CCZ1: variants seen among roughly 807,000 people sequenced by gnomAD.
CCZ1 encodes vacuolar fusion protein CCZ1 homolog.
CCZ1 carries 19 observed loss-of-function variants against 57.8 expected under a neutral mutation model. The observed-to-expected ratio is 0.33, with a 90% CI of 0.23 to 0.48. The LOEUF (loss-of-function observed/expected upper bound fraction) is 0.48. Among genes scored for constraint, CCZ1 ranks in the 20% least tolerant of loss-of-function variants. The pLI, the probability that CCZ1 is intolerant of heterozygous loss-of-function variation, is 0.99. For missense variants in CCZ1, 200 were observed against 492.0 expected (o/e 0.41, Z 5.61); for synonymous variants, 81 against 167.0 (o/e 0.49, Z 3.97).
At chr7:5,908,100 C>A (rs1402321401) in intron 7 of CCZ1, among the ~76,000 whole-genome samples, 3 of 141,082 alleles carry the variant, frequency 2.1e-5, no homozygotes, top group African/African-American at 8.1e-5. Context: ...AGAGCAAGAC[C>A]CTGTCTAAGA....
chr7:5,907,405 T>C (rs1781857042), intron 7 of CCZ1, among the ~76,000 whole-genome samples: 1 of 149,176 alleles, frequency 6.7e-6, no homozygotes, highest in Non-Finnish European at 1.5e-5. Context: ...GGAGATGTCA[T>C]GTGACAAGCC....
At chr7:5,910,213 T>C in intron 8 of CCZ1, 97 bp downstream of exon 8, 2 of 1,043,912 alleles carry the variant, frequency 1.9e-6, no homozygotes, top group Non-Finnish European at 2.9e-6. Flanking sequence ...TCTGATCGTT[T>C]CTGATGTATG....
intron 1 of CCZ1, among the ~76,000 whole-genome samples, chr7:5,899,376 TGTGTGTGG>T (rs1208400673): frequency 0.022 from 2,233 of 102,302 alleles, 36 homozygotes; most frequent in Admixed American, 0.037. Context: ...TGTGTGTGTG[TGTGTGTGG>T]TTTTTCTGAG....
At chr7:5,920,433 C>T (rs1343276374) in intron 12 of CCZ1, among the ~76,000 whole-genome samples, 1 of 112,490 alleles carries the variant, frequency 8.9e-6, no homozygotes, top group Non-Finnish European at 1.9e-5. Flanking sequence ...CTCCGGCTCT[C>T]TAGACACTGA....
At position 5,901,673 on chromosome 7, in the gene CCZ1, C is replaced by T. The variant is rs544027630; in HGVS notation, c.407C>T (p.Ser136Leu). The change falls in exon 5 of 15, where the codon TCG (serine) becomes TTG (leucine). Residue 136 changes from serine to leucine, a missense_variant. Around this residue, in one of 5 missense-constraint regions of CCZ1, gnomAD observed 128 missense variants for 178.4 expected, o/e 0.72. Transcript: ENST00000325974. ...CGTCTGCAGGACAAGGTTTATAGCT[C>T]GGTGCTGCGGCAGTGCTACAGCATG... ...EEELLDKVYS[S>L]VLRQCYSMYK... 13 of 1,598,220 alleles carry T rather than the reference C, an allele frequency of 8.1e-6. No individual in the cohort carries two copies. In the East Asian group the frequency reaches 2.0e-4, roughly 24 times the overall value.
chr7:5,915,528 T>A (rs1779131382), intron 10 of CCZ1, among the ~76,000 whole-genome samples: 1 of 148,386 alleles, frequency 6.7e-6, no homozygotes, highest in African/African-American at 2.4e-5. Flanking sequence ...GGTCCTTACC[T>A]TTTTCTTAAT....
intron 10 of CCZ1, among the ~76,000 whole-genome samples, chr7:5,914,680 G>T (rs1321098212): frequency 6.7e-5 from 10 of 148,892 alleles, no homozygotes; most frequent in Non-Finnish European, 1.2e-4. Flanking sequence ...TTCGAGACCA[G>T]CCTGGCCAAC....
In CCZ1 at chr7:5,905,156, C is replaced by T. The variant is rs1309768573; in HGVS notation, c.585C>T (p.Phe195=). 6.3e-7 allele frequency: 1 copy of T among 1,583,496 alleles called. No individual in the cohort carries two copies. The highest frequency in any genetic ancestry group is 8.6e-7 in the Non-Finnish European group (1 of 1,167,870). The change falls in exon 7 of 15, where the codon TTC becomes TTT. Residue 195 remains phenylalanine, a synonymous_variant. Coordinates refer to ENST00000325974, the MANE Select transcript of CCZ1 (RefSeq NM_015622.6). ...DLLDIFGGIS[F]FPLDKMTYLK... is the part of the protein sequence containing the mutation. Reference sequence around the variant, plus strand: ...TTGACATTTTTGGTGGAATCAGCTTCTTCCCGTTGGATAAAATGACTTATT... The same window carrying T: ...TTGACATTTTTGGTGGAATCAGCTTTTTCCCGTTGGATAAAATGACTTATT...
intron 6 of CCZ1, among the ~76,000 whole-genome samples, chr7:5,903,691 T>TTAG (rs1781735987): frequency 6.8e-6 from 1 of 146,590 alleles, no homozygotes; most frequent in Non-Finnish European, 1.5e-5. Flanking sequence ...AGACATGATT[T>TTAG]TAGTATAAGA....
At chr7:5,899,334 G>GGGTGTGTGGGTGTGTGTGTGT (rs1781626415) in intron 1 of CCZ1, among the ~76,000 whole-genome samples, 1 of 12,556 alleles carries the variant, frequency 8.0e-5, no homozygotes, top group African/African-American at 2.8e-4. Flanking sequence ...TCGGGAGGGG[G>GGGTGTGTGGGTGTGTGTGTGT]GTGTGTGTGT....
rs111250397 is a variant in CCZ1, at chr7:5,910,710, A to ATTTTT, written c.780+597_780+598insTTTTT. On this transcript the variant is annotated intron_variant, in intron 8 of 14. Transcript: ENST00000325974. ...ACTTTTAATTTATGTATTTTATTTT[A>ATTTTT]TTTATTTATTTATTTATTTATTTAT... Among the ~76,000 whole-genome samples, 12 of 102,588 alleles carry ATTTTT rather than the reference A, an allele frequency of 1.2e-4. 1 individual carries two copies. The highest frequency in any genetic ancestry group is 1.9e-4 in the African/African-American group (5 of 26,086). The allele number at this position is 102,588 out of a possible 152,430, so 67.3% of individuals were successfully genotyped here. A position where few individuals can be genotyped will look rare whatever the true frequency, so the allele number is the denominator to read the frequency against.
Position 5,901,647 on chromosome 7 carries a change from G to A in CCZ1, c.391-10G>A, listed in dbSNP as rs376400272. On this transcript the variant is annotated splice_polypyrimidine_tract_variant and intron_variant, in intron 4 of 14. Transcript: ENST00000325974. ...GAACTGAGCTGTGTGCTGTGTTTTCGCGTCTGCAGGACAAGGTTTATAGCT... is the reference window on the plus strand; with the variant it reads ...GAACTGAGCTGTGTGCTGTGTTTTCACGTCTGCAGGACAAGGTTTATAGCT... 81 of 1,594,400 alleles carry A rather than the reference G, an allele frequency of 5.1e-5. 4 individuals carry two copies. The highest frequency in any genetic ancestry group is 3.4e-4 in the African/African-American group (25 of 72,578).
chr7:5,907,450 CA>C (rs1225976302), intron 7 of CCZ1, among the ~76,000 whole-genome samples: 7 of 148,528 alleles, frequency 4.7e-5, no homozygotes, highest in African/African-American at 1.7e-4. Flanking sequence ...GCCTTGCTTC[CA>C]CCAAAAAGAG....
chr7:5,905,913 TTTTTC>T (rs1369319255), intron 7 of CCZ1, among the ~76,000 whole-genome samples: 1 of 137,378 alleles, frequency 7.3e-6, no homozygotes, highest in East Asian at 2.6e-4. Context: ...TTTTTTTTTT[TTTTTC>T]TTTCTTATAG....
rs4036238 is a variant in CCZ1 at position 5,912,377 on chromosome 7, CTTTTTTTTTTTTTT to C, written c.843-446_843-433del. ...GAGTTAAAACTTACTTCAGCATACCCTTTTTTTTTTTTTTTTTTTTTTTTTTTTTTTTTGAGATG... is the reference window on the plus strand; with the variant it reads ...GAGTTAAAACTTACTTCAGCATACCCTTTTTTTTTTTTTTTTTTTGAGATG... On this transcript the variant is annotated intron_variant, in intron 9 of 14. Transcript: ENST00000325974. Among the ~76,000 whole-genome samples, 9 of 54,698 alleles carry C rather than the reference CTTTTTTTTTTTTTT, an allele frequency of 1.6e-4. No individual in the cohort carries two copies. The Admixed American group carries it at 1.8e-3, about 11-fold the overall frequency. 35.9% of individuals were successfully genotyped at this position (54,698 alleles called of 152,430 possible). A position where few individuals can be genotyped will look rare whatever the true frequency, so the allele number is the denominator to read the frequency against.
intron 3 of CCZ1, 141 bp from the exon 4 acceptor site, chr7:5,900,714 C>G (rs1177647210): frequency 6.7e-7 from 1 of 1,486,752 alleles, no homozygotes; most frequent in Non-Finnish European, 9.0e-7. Context: ...CAAGTTCTTC[C>G]TATTTGCTTT....
intron 7 of CCZ1, among the ~76,000 whole-genome samples, chr7:5,909,573 C>G (rs2128612272): frequency 6.8e-6 from 1 of 147,548 alleles, no homozygotes; most frequent in Admixed American, 6.9e-5. Flanking sequence ...GTGGCGCATG[C>G]CTGTAGTCCC....
At chr7:5,900,640 A>G (rs1583179913) in intron 3 of CCZ1, 74 bp downstream of exon 3, 1 of 1,412,632 alleles carries the variant, frequency 7.1e-7, no homozygotes, top group Admixed American at 2.8e-5. Context: ...TTCAGAATTT[A>G]GGAAAGTTCT....
intron 7 of CCZ1, among the ~76,000 whole-genome samples, chr7:5,907,199 C>T (rs553435031): frequency 6.7e-6 from 1 of 149,820 alleles, no homozygotes; most frequent in Non-Finnish European, 1.5e-5. Flanking sequence ...TATCAGGCAA[C>T]CTTACACTGT....
Sources: gnomAD v4.1 joint callset for allele counts (sites outside exome capture counted in the v4.1 genomes callset) on GRCh38, gnomAD v4.1.1 for gene constraint, gnomAD v4.1.1 regional missense constraint, MANE v1.5 for transcripts, NCBI Gene and HGNC (gene_info 2026-07-23, HGNC 2026-07-21) for gene names.